PCCA: variants seen among roughly 807,000 people sequenced by gnomAD.
PCCA encodes propionyl-CoA carboxylase subunit alpha.
PCCA carries 74 observed loss-of-function variants against 101.3 expected under a neutral mutation model. The observed-to-expected ratio is 0.73, with a 90% confidence interval of 0.61 to 0.89. PCCA has a LOEUF of 0.89. Among genes scored for constraint, PCCA ranks in the 40% least tolerant of loss-of-function variants. The pLI, the probability that PCCA is intolerant of heterozygous loss-of-function variation, is 0.00. For synonymous variants in PCCA, 294 were observed against 313.6 expected, an observed-to-expected ratio of 0.94 and a Z score of 0.66; for missense variants, 891 against 907.0, an observed-to-expected ratio of 0.98 and a Z score of 0.23.
chr13:100,492,696 C>G (rs1372654873), intron 21 of PCCA, among the ~76,000 whole-genome samples: 2 of 151,082 alleles, frequency 1.3e-5, no homozygotes, highest in Admixed American at 6.6e-5. Flanking sequence ...CCACGCCCCC[C>G]TCTCCTGTAT....
At chr13:100,223,891 C>G (rs1203819658) in intron 7 of PCCA, among the ~76,000 whole-genome samples, 2 of 152,216 alleles carry the variant, frequency 1.3e-5, no homozygotes, top group African/African-American at 4.8e-5. Context: ...AAACCCTGAG[C>G]TAGACACAGG....
chr13:100,348,746 TTC>T (rs2072694851), intron 18 of PCCA, among the ~76,000 whole-genome samples: 2 of 45,016 alleles, frequency 4.4e-5, no homozygotes, highest in Non-Finnish European at 9.4e-5. Context: ...CTTTCTTTCT[TTC>T]TTTCTTTCTT....
At chr13:100,213,227 G>A (rs2059329762) in intron 7 of PCCA, among the ~76,000 whole-genome samples, 1 of 151,036 alleles carries the variant, frequency 6.6e-6, no homozygotes, top group African/African-American at 2.4e-5. Context: ...TTGATAGACT[G>A]CTTTCCTTTC....
At position 100,500,620 on chromosome 13, in the gene PCCA, C is replaced by A. The variant is rs146795067; in HGVS notation, c.1900-14807C>A. The stretch of plus-strand genomic sequence containing the variant: ...AGAAGATAGTGAGCACGGTGGTATT[C>A]TCCAGTCTCAGAATATTAAGGTTAC... On this transcript the variant is annotated intron_variant, in intron 21 of 23. Transcript: ENST00000376285. Among the ~76,000 whole-genome samples, 355 of 152,310 alleles carry A rather than the reference C, an allele frequency of 2.3e-3. 1 individual carries two copies. Among genetic ancestry groups the A allele is most frequent in the African/African-American group, 8.1e-3 (338 of 41,578 alleles).
chr13:100,364,114 ATAACT>A (rs989567569), intron 18 of PCCA, among the ~76,000 whole-genome samples: 45 of 152,326 alleles, frequency 3.0e-4, no homozygotes, highest in African/African-American at 9.6e-4. Context: ...TGTTGAAGAA[ATAACT>A]TAATTGGTAT....
rs1269024464 is a variant in PCCA, at chr13:100,417,695, C to T, written c.1747-7938C>T. ...TGTCCTCTACCCTTCTCTGTCATCTCTCCACTGCCTCCCAGCCCCTTCCAC... is the reference window on the plus strand; with the variant it reads ...TGTCCTCTACCCTTCTCTGTCATCTTTCCACTGCCTCCCAGCCCCTTCCAC... On this transcript the variant is annotated intron_variant, in intron 19 of 23. Coordinates refer to ENST00000376285, the MANE Select transcript of PCCA (RefSeq NM_000282.4). Among the ~76,000 whole-genome samples the T allele has an allele frequency of 3.9e-5, 6 of 152,138 alleles. No homozygotes were observed. The East Asian group carries it at 1.2e-3, about 29-fold the overall frequency.
intron 6 of PCCA, among the ~76,000 whole-genome samples, chr13:100,179,616 A>G (rs1023921195): frequency 2.0e-5 from 3 of 152,158 alleles, no homozygotes; most frequent in African/African-American, 7.2e-5. Flanking sequence ...TGCTTTCTTT[A>G]TCATGTGATC....
chr13:100,251,992 G>C, intron 8 of PCCA, among the ~76,000 whole-genome samples: 2 of 40,550 alleles, frequency 4.9e-5, no homozygotes, highest in East Asian at 8.3e-3. Context: ...TTCCCTTCTG[G>C]GGAGGCTGAG....
intron 18 of PCCA, among the ~76,000 whole-genome samples, chr13:100,345,415 G>A (rs2072031136): frequency 6.6e-6 from 1 of 151,538 alleles, no homozygotes; most frequent in Non-Finnish European, 1.5e-5. Flanking sequence ...ATTCACTTAA[G>A]TGAAAGCCTA....
chr13:100,223,637 TTGC>T (rs1440299806), intron 7 of PCCA, among the ~76,000 whole-genome samples: 1 of 152,154 alleles, frequency 6.6e-6, no homozygotes, highest in Non-Finnish European at 1.5e-5. Context: ...CCCGAGCGTG[TTGC>T]CACTGCTGGC....
chr13:100,333,878 T>C (rs956794744), intron 17 of PCCA, among the ~76,000 whole-genome samples: 11 of 152,242 alleles, frequency 7.2e-5, no homozygotes, highest in African/African-American at 2.7e-4. Context: ...AAAATACTAC[T>C]ATGATATTTG....
intron 19 of PCCA, among the ~76,000 whole-genome samples, chr13:100,386,754 T>C (rs1309704432): frequency 6.6e-6 from 1 of 152,204 alleles, no homozygotes; most frequent in Admixed American, 6.5e-5. Flanking sequence ...GTGTTTGTGC[T>C]TGTGATATCC....
intron 19 of PCCA, among the ~76,000 whole-genome samples, chr13:100,383,439 C>A (rs954424221): frequency 6.6e-6 from 1 of 151,646 alleles, no homozygotes; most frequent in South Asian, 2.1e-4. Flanking sequence ...CCAGCCCTGG[C>A]AACAAAAAAA....
At chr13:100,154,745 A>G (rs964927648) in intron 4 of PCCA, 4 of 499,426 alleles carry the variant, frequency 8.0e-6, no homozygotes, top group African/African-American at 7.8e-5. Context: ...GATAGGGGAT[A>G]TTATGGAAAT....
intron 7 of PCCA, among the ~76,000 whole-genome samples, chr13:100,224,038 G>A (rs574229200): frequency 0.014 from 2,192 of 152,326 alleles, 27 homozygotes; most frequent in South Asian, 0.027. Flanking sequence ...CCAGTCCCGC[G>A]CCGTGCGCCC....
intron 1 of PCCA, among the ~76,000 whole-genome samples, chr13:100,093,170 C>T (rs2046430638): frequency 6.6e-6 from 1 of 151,998 alleles, no homozygotes; most frequent in Non-Finnish European, 1.5e-5. Flanking sequence ...CATAGTGTTT[C>T]ATTGTAGGTA....
At chr13:100,239,073 T>A (rs2060972624) in intron 8 of PCCA, among the ~76,000 whole-genome samples, 1 of 152,240 alleles carries the variant, frequency 6.6e-6, no homozygotes, top group Non-Finnish European at 1.5e-5. Context: ...AGTAGGAAAC[T>A]CACTGTATTG....
chr13:100,137,186 C>T (rs2051288150), intron 4 of PCCA, among the ~76,000 whole-genome samples: 1 of 151,884 alleles, frequency 6.6e-6, no homozygotes, highest in Admixed American at 6.6e-5. Context: ...TTATTTATTT[C>T]TAATACTAAT....
chr13:100,306,026 T>C (rs1313513890), intron 14 of PCCA, among the ~76,000 whole-genome samples: 1 of 152,234 alleles, frequency 6.6e-6, no homozygotes, highest in Non-Finnish European at 1.5e-5. Context: ...AATGAAACTA[T>C]CGCTTGTCTT....
Sources: gnomAD v4.1 joint callset for allele counts (sites outside exome capture counted in the v4.1 genomes callset) on GRCh38, gnomAD v4.1.1 for gene constraint, MANE v1.5 for transcripts, NCBI Gene and HGNC (gene_info 2026-07-23, HGNC 2026-07-21) for gene names.